The following IL1RAPL1 variants were observed in gnomAD, a reference collection of about 807,000 sequenced individuals.
IL1RAPL1 encodes the protein interleukin 1 receptor accessory protein like 1.
Under a neutral mutation model 48.4 loss-of-function variants are expected in IL1RAPL1, and 3 were observed. The ratio of observed to expected loss-of-function variants is 0.06; its 90% CI spans 0.03 to 0.16. The LOEUF (loss-of-function observed/expected upper bound fraction) is 0.16, where lower values mean the gene tolerates loss of function less well. Among genes scored for constraint, IL1RAPL1 ranks in the 10% least tolerant of loss-of-function variants. IL1RAPL1 has a pLI of 1.00. For synonymous variants in IL1RAPL1, 185 were observed against 187.7 expected, an observed-to-expected ratio of 0.99 and a Z score of 0.12; for missense variants, 349 against 530.6, an observed-to-expected ratio of 0.66 and a Z score of 3.36.
rs111735206 is a variant in IL1RAPL1 at position 29,939,885 on chromosome X, C to A, written c.1058-1766C>A. On this transcript the variant is annotated intron_variant, in intron 8 of 10. Coordinates refer to ENST00000378993, the MANE Select transcript of IL1RAPL1 (RefSeq NM_014271.4). The stretch of plus-strand genomic sequence containing the variant: ...GATTTTTTTTTTTTTTTTTTTGAGA[C>A]GGAGTCTCGTTCTGTCGCCCAGGCT... 5.8e-5 allele frequency among the ~76,000 whole-genome samples: 5 copies of A among 85,522 alleles called. No individual in the cohort carries two copies. In the East Asian group the frequency reaches 1.7e-3, roughly 29 times the overall value. 74.3% of individuals were successfully genotyped at this position (85,522 alleles called of 115,157 possible).
intron 5 of IL1RAPL1, among the ~76,000 whole-genome samples, chrX:29,529,001 G>A (rs901646395): frequency 9.0e-6 from 1 of 111,064 alleles, no homozygotes; most frequent in Non-Finnish European, 1.9e-5. Context: ...AGAAGGATAT[G>A]ACAGCACTGA....
chrX:29,175,344 AG>A (rs1189721685), intron 2 of IL1RAPL1, among the ~76,000 whole-genome samples: 2 of 111,906 alleles, frequency 1.8e-5, no homozygotes, highest in African/African-American at 6.5e-5. Context: ...TATATGCTCA[AG>A]GGCCTTGGAA....
chrX:29,111,085 A>G (rs1278828365), intron 2 of IL1RAPL1, among the ~76,000 whole-genome samples: 1 of 111,624 alleles, frequency 9.0e-6, no homozygotes, highest in African/African-American at 3.3e-5. Flanking sequence ...ATAAAAGAAT[A>G]TATATGCATA....
chrX:29,936,740 T>C (rs1933039925), intron 8 of IL1RAPL1, among the ~76,000 whole-genome samples: 1 of 111,704 alleles, frequency 9.0e-6, no homozygotes, highest in South Asian at 3.7e-4. Context: ...ACTAGGTAAT[T>C]GCAGCAAGAT....
chrX:28,926,941 GAGTTC>G (rs1923758803), intron 2 of IL1RAPL1, among the ~76,000 whole-genome samples: 1 of 111,249 alleles, frequency 9.0e-6, no homozygotes, highest in Non-Finnish European at 1.9e-5. Flanking sequence ...GCCCAGGCTG[GAGTTC>G]AGTGTGTGAT....
chrX:29,326,923 G>A (rs1337528213), intron 3 of IL1RAPL1, among the ~76,000 whole-genome samples: 1 of 111,639 alleles, frequency 9.0e-6, no homozygotes, highest in Non-Finnish European at 1.9e-5. Context: ...ATTTCCACAT[G>A]GGCAACACAT....
rs60117116 is a variant in IL1RAPL1, at chrX:28,897,219, C to CG, written c.82+107801dup. ...GGGTAGAGACACGGAGAGAAGGGGT[C>CG]GGGGGGGTTCTTGCCCCCTAGAAAA... On this transcript the variant is annotated intron_variant, in intron 2 of 10. Coordinates refer to ENST00000378993, the MANE Select transcript of IL1RAPL1 (RefSeq NM_014271.4). Among the ~76,000 whole-genome samples, 268 of 107,227 alleles carry CG rather than the reference C, an allele frequency of 2.5e-3. 8 individuals carry two copies. The highest frequency in any genetic ancestry group is 2.7e-3 in the Non-Finnish European group (138 of 51,801). 93.1% of individuals were successfully genotyped at this position (107,227 alleles called of 115,157 possible).
chrX:29,653,719 ATCT>A (rs1925586035), intron 5 of IL1RAPL1, among the ~76,000 whole-genome samples: 1 of 110,540 alleles, frequency 9.0e-6, no homozygotes, highest in Admixed American at 9.7e-5. Context: ...GCTACTTGAA[ATCT>A]TCTCTGGTGG....
chrX:29,325,475 C>T (rs1411745285), intron 3 of IL1RAPL1, among the ~76,000 whole-genome samples: 3 of 112,071 alleles, frequency 2.7e-5, no homozygotes, highest in African/African-American at 9.7e-5. Context: ...TTTATTTTTG[C>T]CATCTCTATT....
At chrX:29,180,577 G>T (rs970386130) in intron 2 of IL1RAPL1, among the ~76,000 whole-genome samples, 2 of 110,123 alleles carry the variant, frequency 1.8e-5, no homozygotes, top group African/African-American at 3.3e-5. Context: ...GGGTTTCACC[G>T]TGTTGGCCAG....
chrX:29,381,814 CAAAA>C (rs1213630768), intron 3 of IL1RAPL1, among the ~76,000 whole-genome samples: 558 of 33,236 alleles, frequency 0.017, 12 homozygotes, highest in African/African-American at 0.054. Flanking sequence ...AGACTGTTGC[CAAAA>C]AAAAAAAAAA....
chrX:29,542,596 C>T (rs1331515780), intron 5 of IL1RAPL1, among the ~76,000 whole-genome samples: 4 of 112,053 alleles, frequency 3.6e-5, no homozygotes, highest in Non-Finnish European at 7.5e-5. Context: ...GAGAGTAACA[C>T]ATAGTTTAGC....
chrX:29,506,680 A>G (rs1372419611), intron 5 of IL1RAPL1, among the ~76,000 whole-genome samples: 1 of 110,005 alleles, frequency 9.1e-6, no homozygotes, highest in Non-Finnish European at 1.9e-5. Flanking sequence ...AACTTCCTAC[A>G]GTATAGTACT....
In IL1RAPL1 at chrX:29,822,419, AT is replaced by A. The variant is rs201067874; in HGVS notation, c.779-95038del. 4.6e-3 allele frequency among the ~76,000 whole-genome samples: 500 copies of A among 109,510 alleles called. 2 individuals carry two copies. The highest frequency in any genetic ancestry group is 0.016 in the African/African-American group (487 of 30,199). On this transcript the variant is annotated intron_variant, in intron 6 of 10. Coordinates refer to ENST00000378993, the MANE Select transcript of IL1RAPL1 (RefSeq NM_014271.4). The stretch of plus-strand genomic sequence containing the variant: ...AATTTTTATATAAAAGACTTTAAAC[AT>A]TTTTTTGAACTTCTTTTTTGTGTGT...
At chrX:29,346,329 C>T (rs1337344457) in intron 3 of IL1RAPL1, among the ~76,000 whole-genome samples, 1 of 112,590 alleles carries the variant, frequency 8.9e-6, no homozygotes, top group Non-Finnish European at 1.9e-5. Context: ...ATTCTTCCCT[C>T]CACATTGTCA....
At chrX:28,872,130 C>T (rs968766329) in intron 2 of IL1RAPL1, among the ~76,000 whole-genome samples, 12 of 111,269 alleles carry the variant, frequency 1.1e-4, no homozygotes, top group African/African-American at 3.9e-4. Flanking sequence ...GCCTCAGCCT[C>T]CTGATTAGCT....
intron 9 of IL1RAPL1, among the ~76,000 whole-genome samples, chrX:29,953,248 T>C (rs1051171719): frequency 8.9e-6 from 1 of 112,038 alleles, no homozygotes; most frequent in African/African-American, 3.2e-5. Context: ...AATAGAGAGC[T>C]AAAGACATTG....
chrX:29,279,283 A>G (rs1170043582), intron 2 of IL1RAPL1, among the ~76,000 whole-genome samples: 1 of 110,956 alleles, frequency 9.0e-6, no homozygotes, highest in Non-Finnish European at 1.9e-5. Context: ...TAAAAATACA[A>G]AAATTAGCTG....
intron 1 of IL1RAPL1, among the ~76,000 whole-genome samples, chrX:28,616,358 T>C (rs1934218138): frequency 8.9e-6 from 1 of 112,350 alleles, no homozygotes; most frequent in South Asian, 3.7e-4. Context: ...GATCAAAGCA[T>C]CCTGGCTGAT....
Sources: gnomAD v4.1 joint callset for allele counts (sites outside exome capture counted in the v4.1 genomes callset) on GRCh38, gnomAD v4.1.1 for gene constraint, MANE v1.5 for transcripts, NCBI Gene and HGNC (gene_info 2026-07-23, HGNC 2026-07-21) for gene names.